The following KLRB1 variants were observed in gnomAD, a reference collection of about 807,000 sequenced individuals.
KLRB1 encodes killer cell lectin like receptor B1, also known as killer cell lectin-like receptor subfamily B member 1.
In KLRB1, 27 loss-of-function variants were observed where a neutral mutation model predicts 33.5. The observed-to-expected ratio is 0.81, with a 90% confidence interval of 0.59 to 1.11. KLRB1 has a LOEUF of 1.11. KLRB1 is among the 50% of genes most tolerant of loss of function. The probability of loss-of-function intolerance (pLI) is 0.00; values close to 1 mark genes in which losing one functional copy is unlikely to be tolerated. For missense variants in KLRB1, 241 were observed against 254.1 expected, an observed-to-expected ratio of 0.95 and a Z score of 0.35; for synonymous variants, 64 against 88.9, an observed-to-expected ratio of 0.72 and a Z score of 1.58.
At chr12:9,599,322 T>A (rs79322217) in intron 3 of KLRB1, among the ~76,000 whole-genome samples, 2 of 152,230 alleles carry the variant, frequency 1.3e-5, no homozygotes, top group African/African-American at 4.8e-5. Context: ...CACCTTTTTT[T>A]ATTAACACAC....
In KLRB1 at chr12:9,606,645, A is replaced by G. The variant is rs1266895047; in HGVS notation, c.85+1110T>C. On this transcript the variant is annotated intron_variant, in intron 1 of 5. Coordinates refer to ENST00000229402, the MANE Select transcript of KLRB1 (RefSeq NM_002258.3). ...GAAGTATGTTACTCATTAAGCCTAC[A>G]CTTTATATATATATATATAAAATAT... Among the ~76,000 whole-genome samples, 5 of 95,634 alleles carry G rather than the reference A, an allele frequency of 5.2e-5. No homozygotes were observed. The East Asian group carries it at 1.1e-3, about 21-fold the overall frequency. 62.7% of individuals were successfully genotyped at this position (95,634 alleles called of 152,430 possible). A position where few individuals can be genotyped will look rare whatever the true frequency, so the allele number is the denominator to read the frequency against.
At chr12:9,605,370 G>A (rs772980885) in intron 1 of KLRB1, among the ~76,000 whole-genome samples, 1 of 152,264 alleles carries the variant, frequency 6.6e-6, no homozygotes, top group South Asian at 2.1e-4. Context: ...GGATCACTGG[G>A]TCAAATGGTA....
At chr12:9,596,210 C>T (rs1450025266) in intron 5 of KLRB1, among the ~76,000 whole-genome samples, 2 of 152,124 alleles carry the variant, frequency 1.3e-5, no homozygotes, top group African/African-American at 2.4e-5. Context: ...TCCTTTGTTC[C>T]ATTTTCTCAT....
chr12:9,606,743 TATATA>T (rs1864607556), intron 1 of KLRB1, among the ~76,000 whole-genome samples: 8 of 29,564 alleles, frequency 2.7e-4, no homozygotes, highest in African/African-American at 9.1e-4. Context: ...AGTATATATA[TATATA>T]TATATATATA....
At chr12:9,607,726 A>C in intron 1 of KLRB1, 29 bp downstream of exon 1, 1 of 1,445,524 alleles carries the variant, frequency 6.9e-7, no homozygotes, top group South Asian at 1.1e-5. Context: ...AGACATACAA[A>C]TGCCGAAAGG....
At position 9,607,335 on chromosome 12, in the gene KLRB1, C is replaced by CTTCCTTCCTTT. The variant is rs1491505010; in HGVS notation, c.85+419_85+420insAAAGGAAGGAA. The stretch of plus-strand genomic sequence containing the variant: ...TTTCTTCTTTTCTTTCTCTTTCTTT[C>CTTCCTTCCTTT]CTTTCTTTCTTTCTTTCTTCCTTTC... On this transcript the variant is annotated intron_variant, in intron 1 of 5. Transcript: ENST00000229402. Among the ~76,000 whole-genome samples the CTTCCTTCCTTT allele has an allele frequency of 2.5e-3, 163 of 65,236 alleles. 2 individuals carry two copies. The highest frequency in any genetic ancestry group is 7.5e-3 in the Middle Eastern group (1 of 134). 42.8% of individuals were successfully genotyped at this position (65,236 alleles called of 152,430 possible).
rs1178480044 is a variant in KLRB1 at position 9,595,383 on chromosome 12, A to G, written c.569T>C (p.Ile190Thr). 6.2e-7 allele frequency: 1 copy of G among 1,613,322 alleles called. No homozygotes were observed. The highest frequency in any genetic ancestry group is 8.5e-7 in the Non-Finnish European group (1 of 1,179,622). Reference protein sequence around the residue: ...IRGDAKENSCISISQTSVYSE... With the variant: ...IRGDAKENSCTSISQTSVYSE... The stretch of plus-strand genomic sequence containing the variant: ...ATACACAGATGTCTGTGAGATGGAA[A>G]TACAGCTGTTTTCTTTAGCATCACC... The change falls in exon 6 of 6, where the codon ATT (isoleucine) becomes ACT (threonine). Residue 190 changes from isoleucine (I) to threonine (T), a missense_variant. Coordinates refer to ENST00000229402, the MANE Select transcript of KLRB1 (RefSeq NM_002258.3).
chr12:9,607,342 T>TTCTTTCTG lies in KLRB1; in HGVS notation c.85+412_85+413insCAGAAAGA, dbSNP rs1555097772. Among the ~76,000 whole-genome samples, 12 of 57,712 alleles carry TTCTTTCTG rather than the reference T, an allele frequency of 2.1e-4. 2 individuals are homozygous for TTCTTTCTG. The East Asian group carries it at 6.0e-3, about 29-fold the overall frequency. 37.9% of individuals were successfully genotyped at this position (57,712 alleles called of 152,430 possible). A position where few individuals can be genotyped will look rare whatever the true frequency, so the allele number is the denominator to read the frequency against. On this transcript the variant is annotated intron_variant, in intron 1 of 5. Coordinates refer to ENST00000229402, the MANE Select transcript of KLRB1 (RefSeq NM_002258.3). ...TTTTCTTTCTCTTTCTTTCCTTTCT[T>TTCTTTCTG]TCTTTCTTTCTTCCTTTCTTTCTTT... is the stretch of plus-strand genomic sequence containing the variant.
At position 9,601,591 on chromosome 12, in the gene KLRB1, G is replaced by T; in HGVS notation, c.94C>A (p.Gln32Lys). The T allele has an allele frequency of 6.2e-7, 1 of 1,608,406 alleles. No homozygotes were observed. Among genetic ancestry groups the T allele is most frequent in the South Asian group, 1.1e-5 (1 of 90,886 alleles). The change falls in exon 2 of 6, where the codon CAG (glutamine) becomes AAG (lysine). Residue 32 changes from glutamine (Q) to lysine (K), a missense_variant. Physicochemically the swap from Gln to Lys is moderately conservative, Grantham distance 53. Transcript: ENST00000229402. ...GCAAATTGATGCCAAGGTGAACCCT[G>T]ACAGACATCTGAAAAGTTAAAAAGA... ...SPSSLPRDVC[Q>K]GSPWHQFALK...
intron 1 of KLRB1, among the ~76,000 whole-genome samples, chr12:9,602,077 A>G (rs933406964): frequency 2.6e-5 from 4 of 152,200 alleles, no homozygotes; most frequent in African/African-American, 4.8e-5. Context: ...ATTCTTGGAC[A>G]TGGAATCCTC....
intron 1 of KLRB1, among the ~76,000 whole-genome samples, chr12:9,607,355 C>CTTTCTTTCTTTCTTTCTTTCTTTCTTT (rs1555097796): frequency 3.4e-4 from 18 of 52,772 alleles, no homozygotes; most frequent in African/African-American, 7.7e-4. Context: ...TTTCTTTCTT[C>CTTTCTTTCTTTCTTTCTTTCTTTCTTT]CTTTCTTTCT....
At chr12:9,607,701 A>G in intron 1 of KLRB1, 54 bp downstream of exon 1, 1 of 1,127,468 alleles carries the variant, frequency 8.9e-7, no homozygotes, top group Non-Finnish European at 1.4e-6. Context: ...TGTAACAGGA[A>G]GATCTAATTC....
rs1252430439 is a variant in KLRB1, at chr12:9,598,639, A to G, written c.274T>C (p.Leu92=). Residue 92 remains leucine, a synonymous_variant, in exon 4 of 6, where the codon TTA becomes CTA. Transcript: ENST00000229402. ...TGCTGCCAATATATTGGGCAGTTTA[A>G]GAGACCCGGTCTCTCTAAAGTAAAA... ...RNKTTERPGL[L]NCPIYWQQLR... is the part of the protein sequence containing the mutation. 1 of 1,611,470 alleles carries G rather than the reference A, an allele frequency of 6.2e-7. No individual in the cohort carries two copies. The highest frequency in any genetic ancestry group is 2.2e-5 in the East Asian group (1 of 44,852).
At chr12:9,597,124 T>C (rs754148720) in intron 5 of KLRB1, among the ~76,000 whole-genome samples, 1 of 152,282 alleles carries the variant, frequency 6.6e-6, no homozygotes, top group East Asian at 1.9e-4. Context: ...TAATAAATTA[T>C]CTTAGGATAA....
In KLRB1 at chr12:9,595,082, C is replaced by G; in HGVS notation, c.*192G>C. 2 of 560,654 alleles carry G rather than the reference C, an allele frequency of 3.6e-6. No individual in the cohort carries two copies. Among genetic ancestry groups the G allele is most frequent in the South Asian group, 5.1e-5 (2 of 39,074 alleles). 34.7% of individuals were successfully genotyped at this position (560,654 alleles called of 1,614,324 possible). A position where few individuals can be genotyped will look rare whatever the true frequency, so the allele number is the denominator to read the frequency against. On this transcript the variant is annotated 3_prime_UTR_variant, in exon 6 of 6. Coordinates refer to ENST00000229402, the MANE Select transcript of KLRB1 (RefSeq NM_002258.3). ...AAACGATGCACGTTTTTCTCTATGT[C>G]TCTGTTTCCTCATTTAATAGAATGA...
intron 2 of KLRB1, among the ~76,000 whole-genome samples, chr12:9,600,626 T>C (rs1025562972): frequency 1.3e-5 from 2 of 152,226 alleles, no homozygotes; most frequent in African/African-American, 2.4e-5. Flanking sequence ...AAACATGTGC[T>C]GTGTCAACTC....
chr12:9,597,924 A>G (rs1050491749), intron 5 of KLRB1, 122 bp downstream of exon 5: 6 of 605,490 alleles, frequency 9.9e-6, no homozygotes, highest in African/African-American at 7.8e-5. Context: ...TTCTTAGCCT[A>G]TTCAGAACTT....
chr12:9,601,725 C>CT (rs1591656986), intron 1 of KLRB1, 126 bp from the exon 2 acceptor site: 1 of 643,086 alleles, frequency 1.6e-6, no homozygotes, highest in East Asian at 2.8e-5. Context: ...TTAGATTCAG[C>CT]TTGGGGGATG....
chr12:9,607,536 G>C (rs1291918242), intron 1 of KLRB1: 2 of 465,644 alleles, frequency 4.3e-6, no homozygotes, highest in African/African-American at 4.0e-5. Flanking sequence ...AGTGATGTTT[G>C]CTTTTCATGC....
Sources: allele counts gnomAD v4.1 joint callset (sites outside exome capture counted in the v4.1 genomes callset), GRCh38; gene constraint gnomAD v4.1.1; transcripts MANE v1.5; gene names NCBI Gene and HGNC (gene_info 2026-07-23, HGNC 2026-07-21).